STXBP4: variants seen among roughly 807,000 people sequenced by gnomAD.
STXBP4 encodes the protein syntaxin binding protein 4.
A neutral mutation model predicts 76.1 loss-of-function variants in STXBP4; 55 were observed. The observed-to-expected ratio is 0.72, with a 90% CI of 0.58 to 0.91. The LOEUF (loss-of-function observed/expected upper bound fraction) is 0.91, where lower values mean the gene tolerates loss of function less well. Ranked by LOEUF, STXBP4 falls within the 40% of genes least tolerant of loss-of-function variation. The probability of loss-of-function intolerance (pLI) is 0.00; values close to 1 mark genes in which losing one functional copy is unlikely to be tolerated. For missense variants in STXBP4, 618 were observed against 636.9 expected (o/e 0.97, Z 0.32); for synonymous variants, 201 against 220.2 (o/e 0.91, Z 0.77).
intron 3 of STXBP4, among the ~76,000 whole-genome samples, chr17:54,988,593 G>C (rs532972141): frequency 6.6e-6 from 1 of 152,210 alleles, no homozygotes; most frequent in East Asian, 1.9e-4. Context: ...GGCCAACATG[G>C]TGAAACCCTG....
the STXBP4 span, among the ~76,000 whole-genome samples, chr17:55,191,653 C>G: frequency 6.6e-6 from 1 of 152,154 alleles, no homozygotes; most frequent in Non-Finnish European, 1.5e-5. Context: ...TTCTATTACT[C>G]TTTCTCATAC....
At chr17:55,072,018 T>C (rs2079125732) in intron 12 of STXBP4, among the ~76,000 whole-genome samples, 1 of 152,188 alleles carries the variant, frequency 6.6e-6, no homozygotes, top group African/African-American at 2.4e-5. Context: ...TCCAAGTACA[T>C]TTTGATAGAG....
chr17:55,153,729 C>T (rs2080241768), intron 17 of STXBP4, among the ~76,000 whole-genome samples: 2 of 152,126 alleles, frequency 1.3e-5, no homozygotes, highest in South Asian at 2.1e-4. Flanking sequence ...AAAGTAGCTT[C>T]TACATTTTAT....
Position 54,997,581 on chromosome 17 carries a change from T to C in STXBP4, c.181-1764T>C, listed in dbSNP as rs1289599718. 2.7e-5 allele frequency among the ~76,000 whole-genome samples: 4 copies of C among 145,872 alleles called. No individual in the cohort carries two copies. The East Asian group carries it at 7.9e-4, about 29-fold the overall frequency. On this transcript the variant is annotated intron_variant, in intron 4 of 17. Coordinates refer to ENST00000376352, the MANE Select transcript of STXBP4 (RefSeq NM_178509.6). Reference sequence around the variant, plus strand: ...ATATATATATTATATAATATAAATATATATATATTTTATATATTTTATATA... The same window carrying C: ...ATATATATATTATATAATATAAATACATATATATTTTATATATTTTATATA...
rs2078665311 is a variant in STXBP4 at position 55,039,683 on chromosome 17, G to A, written c.856-3553G>A. Among the ~76,000 whole-genome samples the A allele has an allele frequency of 2.0e-5, 3 of 152,106 alleles. No individual in the cohort carries two copies. The South Asian group carries it at 6.2e-4, about 32-fold the overall frequency. On this transcript the variant is annotated intron_variant, in intron 10 of 17. Coordinates refer to ENST00000376352, the MANE Select transcript of STXBP4 (RefSeq NM_178509.6). ...CAAAAACAACAACTACAACAAGTAT[G>A]TCATCAGTAGGACTTGCTGACCCTT...
At chr17:55,204,379 C>T in the STXBP4 span, among the ~76,000 whole-genome samples, 3 of 152,004 alleles carry the variant, frequency 2.0e-5, no homozygotes, top group Non-Finnish European at 4.4e-5. Context: ...TCCTGATAAA[C>T]TCTAACATAT....
chr17:55,042,280 A>G lies in STXBP4; in HGVS notation c.856-956A>G, dbSNP rs1397873941. ...TTTGTTAGCTGTGAAACCTTAGGCAAGTTATTAACATTTCTGAGCTTGTTT... is the reference window on the plus strand; with the variant it reads ...TTTGTTAGCTGTGAAACCTTAGGCAGGTTATTAACATTTCTGAGCTTGTTT... On this transcript the variant is annotated intron_variant, in intron 10 of 17. Transcript: ENST00000376352. Among the ~76,000 whole-genome samples the G allele has an allele frequency of 3.9e-5, 6 of 152,150 alleles. No homozygotes were observed. The East Asian group carries it at 1.2e-3, about 29-fold the overall frequency.
the STXBP4 span, among the ~76,000 whole-genome samples, chr17:55,189,016 T>C: frequency 6.6e-6 from 1 of 152,082 alleles, no homozygotes; most frequent in Non-Finnish European, 1.5e-5. Context: ...GCCTGCCACC[T>C]CTGGGAAGAC....
intron 1 of STXBP4, among the ~76,000 whole-genome samples, chr17:54,972,310 T>C (rs557289534): frequency 1.3e-5 from 2 of 152,326 alleles, no homozygotes; most frequent in Admixed American, 1.3e-4. Context: ...GATTTCTCCA[T>C]TGATGCTTCT....
Position 55,078,688 on chromosome 17 carries a change from T to A in STXBP4, c.1308T>A (p.Ala436=). Residue 436 remains alanine (A), a splice_region_variant and synonymous_variant, in exon 15 of 18, where the codon GCT becomes GCA. Transcript: ENST00000376352. ...TTCACCATCTTGTTTGTTGCTAGGC[T>A]ATTCAAGAAGTATTTTCTGATAATT... ...STEKLLHFVE[A]IQEVFSDNST... 6.4e-7 allele frequency: 1 copy of A among 1,559,434 alleles called. No individual in the cohort carries two copies. Among genetic ancestry groups the A allele is most frequent in the East Asian group, 2.2e-5 (1 of 44,494 alleles).
chr17:55,154,409 C>T (rs752371878), intron 17 of STXBP4, among the ~76,000 whole-genome samples: 1 of 152,224 alleles, frequency 6.6e-6, no homozygotes, highest in Non-Finnish European at 1.5e-5. Flanking sequence ...TTGGTGGACA[C>T]TGCCAACAGG....
chr17:55,097,474 T>C (rs186478725), intron 16 of STXBP4, among the ~76,000 whole-genome samples: 168 of 152,146 alleles, frequency 1.1e-3, no homozygotes, highest in East Asian at 0.011. Context: ...CCATCCTGGC[T>C]AACACGGTGA....
At chr17:55,151,159 G>A (rs945808822) in intron 17 of STXBP4, among the ~76,000 whole-genome samples, 1 of 152,166 alleles carries the variant, frequency 6.6e-6, no homozygotes, top group Non-Finnish European at 1.5e-5. Flanking sequence ...CTATAAGATA[G>A]TAAATTTGTG....
rs1242984278 is a variant in STXBP4 at position 55,098,775 on chromosome 17, C to T, written c.1489+17592C>T. ...CCACCTCCAGTACTCTATTTCACTC[C>T]CCTGTTTTATTCTCTTCACAGCACT... On this transcript the variant is annotated intron_variant, in intron 16 of 17. Transcript: ENST00000376352. Among the ~76,000 whole-genome samples, 5 of 152,152 alleles carry T rather than the reference C, an allele frequency of 3.3e-5. 1 individual carries two copies. Among genetic ancestry groups the T allele is most frequent in the Non-Finnish European group, 7.4e-5 (5 of 68,026 alleles).
intron 17 of STXBP4, among the ~76,000 whole-genome samples, chr17:55,153,119 AG>A (rs2080234519): frequency 6.6e-6 from 1 of 152,200 alleles, no homozygotes; most frequent in South Asian, 2.1e-4. Context: ...TCTTAGTATC[AG>A]GTTCCTCATA....
intron 12 of STXBP4, among the ~76,000 whole-genome samples, chr17:55,066,485 A>C (rs1185018794): frequency 1.3e-5 from 2 of 152,122 alleles, no homozygotes; most frequent in African/African-American, 4.8e-5. Flanking sequence ...TGGCCTTTCA[A>C]AGTGCTAGGA....
At chr17:55,089,128 T>G (rs1269470426) in intron 16 of STXBP4, among the ~76,000 whole-genome samples, 7 of 152,180 alleles carry the variant, frequency 4.6e-5, no homozygotes, top group African/African-American at 1.7e-4. Flanking sequence ...ATTGAAAGAT[T>G]AAATGTAGTA....
At chr17:55,126,681 C>T (rs1429210987) in intron 16 of STXBP4, among the ~76,000 whole-genome samples, 2 of 152,168 alleles carry the variant, frequency 1.3e-5, no homozygotes, top group Non-Finnish European at 2.9e-5. Flanking sequence ...AAATCAAAGA[C>T]CTGCTAACAG....
At position 54,999,672 on chromosome 17, in the gene STXBP4, T is replaced by A; in HGVS notation, c.328T>A (p.Ser110Thr). ...GGAGATAGCATTCATAAGACAAAAA[T>A]CCGACAACATTCAGCCAGAAAATCT... is the stretch of plus-strand genomic sequence containing the variant. ...AWEIAFIRQKSDNIQPENLSC... is the reference protein window; with the variant it reads ...AWEIAFIRQKTDNIQPENLSC... Residue 110 changes from serine to threonine, a missense_variant, in exon 6 of 18, where the codon TCC (serine) becomes ACC (threonine). Transcript: ENST00000376352. 1 of 1,613,750 alleles carries A rather than the reference T, an allele frequency of 6.2e-7. No individual in the cohort carries two copies. The highest frequency in any genetic ancestry group is 8.5e-7 in the Non-Finnish European group (1 of 1,179,830).
Sources: allele counts gnomAD v4.1 joint callset (sites outside exome capture counted in the v4.1 genomes callset), GRCh38; gene constraint gnomAD v4.1.1; transcripts MANE v1.5; gene names NCBI Gene and HGNC (gene_info 2026-07-23, HGNC 2026-07-21).